TENM2: variants seen among roughly 807,000 people sequenced by gnomAD.
TENM2 encodes the protein teneurin-2.
Under a neutral mutation model 245.2 loss-of-function variants are expected in TENM2, and 52 were observed. The observed-to-expected ratio is 0.21, with a 90% CI of 0.17 to 0.27. The LOEUF is 0.27. Ranked by LOEUF, TENM2 falls within the 10% of genes least tolerant of loss-of-function variation. The pLI, the probability that TENM2 is intolerant of heterozygous loss-of-function variation, is 1.00. For missense variants in TENM2, 3,046 were observed against 3,666.8 expected, an observed-to-expected ratio of 0.83 and a Z score of 4.37; for synonymous variants, 1,363 against 1,438.9, an observed-to-expected ratio of 0.95 and a Z score of 1.19.
At chr5:167,226,732 C>A in the TENM2 span, among the ~76,000 whole-genome samples, 1 of 151,794 alleles carries the variant, frequency 6.6e-6, no homozygotes, top group African/African-American at 2.4e-5. Context: ...CAATGTTTCT[C>A]TGTTAATTTT....
At chr5:167,136,183 A>C in the TENM2 span, among the ~76,000 whole-genome samples, 17 of 152,220 alleles carry the variant, frequency 1.1e-4, no homozygotes, top group East Asian at 5.8e-4. Context: ...CCATGTCTGC[A>C]TACCAACCCA....
At chr5:168,109,258 C>T (rs893135844) in intron 9 of TENM2, among the ~76,000 whole-genome samples, 1 of 152,172 alleles carries the variant, frequency 6.6e-6, no homozygotes, top group African/African-American at 2.4e-5. Flanking sequence ...TTGGTATATG[C>T]TTTGCAGACA....
In TENM2 at chr5:167,706,353, A is replaced by G. The variant is rs193069441; in HGVS notation, c.503-169633A>G. On this transcript the variant is annotated intron_variant, in intron 2 of 28. Transcript: ENST00000518659. ...TTAGAAAATGTGATACAGTATATAT[A>G]AGAAAATGTGATACAGTATATATAA... Among the ~76,000 whole-genome samples, 700 of 148,274 alleles carry G rather than the reference A, an allele frequency of 4.7e-3. 7 individuals carry two copies. The highest frequency in any genetic ancestry group is 0.017 in the African/African-American group (677 of 40,772).
At chr5:167,311,817 A>G (rs778333966) in intron 1 of TENM2, among the ~76,000 whole-genome samples, 23 of 152,228 alleles carry the variant, frequency 1.5e-4, no homozygotes, top group South Asian at 4.1e-4. Context: ...CTTACAAATC[A>G]TATTCTAAAT....
intron 5 of TENM2, among the ~76,000 whole-genome samples, chr5:167,997,539 G>A (rs574642768): frequency 1.3e-5 from 2 of 152,244 alleles, no homozygotes; most frequent in South Asian, 4.1e-4. Flanking sequence ...AATATTTTTG[G>A]TTCATGTGCT....
At chr5:167,900,135 G>GAAAAAA (rs1266899709) in intron 3 of TENM2, among the ~76,000 whole-genome samples, 61 of 77,896 alleles carry the variant, frequency 7.8e-4, no homozygotes, top group African/African-American at 3.0e-3. Flanking sequence ...AAAAAAAAAG[G>GAAAAAA]GGGGGGGGGT....
chr5:168,116,985 T>C (rs967700178), intron 9 of TENM2, among the ~76,000 whole-genome samples: 1 of 152,176 alleles, frequency 6.6e-6, no homozygotes, highest in African/African-American at 2.4e-5. Context: ...AGCCGGAGGA[T>C]TTTAGGCCCA....
At chr5:167,769,585 T>C (rs1016058839) in intron 2 of TENM2, among the ~76,000 whole-genome samples, 2 of 152,184 alleles carry the variant, frequency 1.3e-5, no homozygotes, top group African/African-American at 4.8e-5. Context: ...CCGCAGGCTT[T>C]TCCCCAGTAG....
intron 2 of TENM2, among the ~76,000 whole-genome samples, chr5:167,817,381 T>A (rs976270077): frequency 1.7e-4 from 26 of 152,352 alleles, no homozygotes; most frequent in Middle Eastern, 3.4e-3. Flanking sequence ...ATTATCTATT[T>A]AACTATATCA....
chr5:168,052,480 A>G (rs1789190971), intron 6 of TENM2, among the ~76,000 whole-genome samples: 7 of 152,108 alleles, frequency 4.6e-5, no homozygotes, highest in Admixed American at 4.6e-4. Flanking sequence ...ACACATATAT[A>G]TGTATATATA....
chr5:167,191,325 C>T, the TENM2 span, among the ~76,000 whole-genome samples: 4 of 152,036 alleles, frequency 2.6e-5, no homozygotes, highest in East Asian at 3.9e-4. Context: ...TTTTGTGAAT[C>T]GGATAGATTG....
At chr5:166,989,261 T>TG in the TENM2 span, among the ~76,000 whole-genome samples, 1 of 135,976 alleles carries the variant, frequency 7.4e-6, no homozygotes, top group East Asian at 2.1e-4. Context: ...TCTTTTTTTT[T>TG]TTTTTTTTTT....
chr5:167,931,549 TGGAAAAAAAAA>T (rs1472401989), intron 3 of TENM2, among the ~76,000 whole-genome samples: 1 of 90,890 alleles, frequency 1.1e-5, no homozygotes, highest in Non-Finnish European at 2.3e-5. Context: ...ATAAACCCAT[TGGAAAAAAAAA>T]AAAAAAAAAA....
chr5:167,764,834 G>A (rs573078054), intron 2 of TENM2, among the ~76,000 whole-genome samples: 1 of 152,268 alleles, frequency 6.6e-6, no homozygotes, highest in African/African-American at 2.4e-5. Flanking sequence ...TGCTTTGATG[G>A]ATGGAGCTGA....
intron 1 of TENM2, among the ~76,000 whole-genome samples, chr5:167,348,204 C>T (rs1307571726): frequency 2.0e-5 from 3 of 152,254 alleles, no homozygotes; most frequent in South Asian, 2.1e-4. Flanking sequence ...ATTTACAATC[C>T]GAGGCCAAAC....
intron 8 of TENM2, among the ~76,000 whole-genome samples, chr5:168,096,077 T>C (rs955017991): frequency 6.6e-6 from 1 of 152,184 alleles, no homozygotes; most frequent in African/African-American, 2.4e-5. Context: ...AGATATTGTC[T>C]TTACTATACT....
the TENM2 span, among the ~76,000 whole-genome samples, chr5:167,255,289 A>G: frequency 6.6e-6 from 1 of 152,134 alleles, no homozygotes; most frequent in Non-Finnish European, 1.5e-5. Flanking sequence ...TGTCTTTTAC[A>G]TGCAGGATAG....
At chr5:167,612,131 C>T (rs767680571) in intron 2 of TENM2, among the ~76,000 whole-genome samples, 2 of 152,078 alleles carry the variant, frequency 1.3e-5, no homozygotes, top group Admixed American at 6.6e-5. Flanking sequence ...AGCCAGGATT[C>T]GAATCGGAGT....
At chr5:167,512,788 C>G (rs377350032) in intron 2 of TENM2, among the ~76,000 whole-genome samples, 1 of 152,020 alleles carries the variant, frequency 6.6e-6, no homozygotes, top group Admixed American at 6.6e-5. Context: ...TATGTCTGAG[C>G]CTTTTTGGTG....
Sources: gnomAD v4.1 joint callset for allele counts (sites outside exome capture counted in the v4.1 genomes callset) on GRCh38, gnomAD v4.1.1 for gene constraint, MANE v1.5 for transcripts, NCBI Gene and HGNC (gene_info 2026-07-23, HGNC 2026-07-21) for gene names.